The following EXOC4 variants were observed in gnomAD, a reference collection of about 807,000 sequenced individuals.
The protein encoded by EXOC4 is SEC8-like 1.
A neutral mutation model predicts 107.2 loss-of-function variants in EXOC4; 71 were observed. That is an observed-to-expected ratio of 0.66 (90% CI 0.55 to 0.81). EXOC4 has a LOEUF of 0.81. Among genes scored for constraint, EXOC4 ranks in the 30% least tolerant of loss-of-function variants. The pLI, the probability that EXOC4 is intolerant of heterozygous loss-of-function variation, is 0.00. For missense variants in EXOC4, 1,108 were observed against 1,189.6 expected (o/e 0.93, Z 1.01); for synonymous variants, 456 against 441.2 (o/e 1.03, Z -0.42).
intron 14 of EXOC4, among the ~76,000 whole-genome samples, chr7:133,953,173 C>T (rs1284305150): frequency 6.6e-6 from 1 of 152,156 alleles, no homozygotes; most frequent in African/African-American, 2.4e-5. Flanking sequence ...CTTGGCCAGG[C>T]ACGGTGGCTC....
chr7:134,096,202 CAG>C, the EXOC4 span, among the ~76,000 whole-genome samples: 1 of 152,160 alleles, frequency 6.6e-6, no homozygotes, highest in Admixed American at 6.5e-5. Flanking sequence ...CACTAATCAT[CAG>C]AGAGGTGCAA....
intron 9 of EXOC4, among the ~76,000 whole-genome samples, chr7:133,560,587 A>AT (rs1179895202): frequency 6.6e-6 from 1 of 151,912 alleles, no homozygotes; most frequent in Non-Finnish European, 1.5e-5. Flanking sequence ...CTGGGCCAAG[A>AT]TTTTTTTTCC....
chr7:133,728,551 G>T (rs1334552617), intron 10 of EXOC4, among the ~76,000 whole-genome samples: 7 of 152,110 alleles, frequency 4.6e-5, no homozygotes, highest in Non-Finnish European at 1.0e-4. Context: ...GGTTGTATTT[G>T]CTGGTAATTT....
At chr7:133,776,340 G>C (rs1796345735) in intron 10 of EXOC4, among the ~76,000 whole-genome samples, 1 of 152,162 alleles carries the variant, frequency 6.6e-6, no homozygotes, top group South Asian at 2.1e-4. Context: ...TGCCAACTGA[G>C]ATGACATGGT....
chr7:133,572,231 C>A (rs1801038946), intron 9 of EXOC4, among the ~76,000 whole-genome samples: 1 of 152,188 alleles, frequency 6.6e-6, no homozygotes, highest in Admixed American at 6.5e-5. Flanking sequence ...TGCACCACCC[C>A]AGTCTGTTTA....
At chr7:134,025,865 G>A (rs990186829) in intron 17 of EXOC4, among the ~76,000 whole-genome samples, 6 of 152,174 alleles carry the variant, frequency 3.9e-5, no homozygotes, top group Admixed American at 3.9e-4. Flanking sequence ...GCAAGTCACA[G>A]GGCTAGCCCA....
chr7:133,403,566 G>A (rs1224835700), intron 7 of EXOC4, among the ~76,000 whole-genome samples: 1 of 152,068 alleles, frequency 6.6e-6, no homozygotes, highest in African/African-American at 2.4e-5. Flanking sequence ...CTCAGTTTTG[G>A]GTGCTAAGGC....
chr7:133,504,700 T>C (rs1256061677), intron 9 of EXOC4, among the ~76,000 whole-genome samples: 1 of 152,142 alleles, frequency 6.6e-6, no homozygotes, highest in Non-Finnish European at 1.5e-5. Flanking sequence ...TCGACTAATG[T>C]ATGTTTATAT....
chr7:133,491,636 C>A (rs1396675917), intron 9 of EXOC4, among the ~76,000 whole-genome samples: 1 of 152,006 alleles, frequency 6.6e-6, no homozygotes, highest in African/African-American at 2.4e-5. Context: ...CAACTATATT[C>A]TGGGGCCTGT....
chr7:133,552,460 A>G (rs768671717), intron 9 of EXOC4, among the ~76,000 whole-genome samples: 1 of 152,200 alleles, frequency 6.6e-6, no homozygotes, highest in Non-Finnish European at 1.5e-5. Flanking sequence ...CAGGTGTTTT[A>G]TTAATATCCA....
At chr7:134,073,830 G>A in the EXOC4 span, among the ~76,000 whole-genome samples, 2 of 152,146 alleles carry the variant, frequency 1.3e-5, no homozygotes, top group Admixed American at 6.5e-5. Flanking sequence ...TGCTGCTGAA[G>A]CAGGTCAGGA....
chr7:133,551,099 G>A (rs746441380), intron 9 of EXOC4, among the ~76,000 whole-genome samples: 94 of 152,052 alleles, frequency 6.2e-4, no homozygotes, highest in Non-Finnish European at 9.6e-4. Flanking sequence ...GTACCCTGCC[G>A]TGTATTTCTT....
intron 1 of EXOC4, among the ~76,000 whole-genome samples, chr7:133,266,560 G>T (rs1438355133): frequency 2.0e-5 from 3 of 152,050 alleles, no homozygotes; most frequent in Admixed American, 6.6e-5. Flanking sequence ...TGCTTTTCTG[G>T]CTTATATTAA....
chr7:133,763,002 A>G (rs921854469), intron 10 of EXOC4, among the ~76,000 whole-genome samples: 1 of 152,182 alleles, frequency 6.6e-6, no homozygotes, highest in Non-Finnish European at 1.5e-5. Flanking sequence ...TAAAGTCAAT[A>G]TGCTCCCTGG....
chr7:134,095,232 CAT>C, the EXOC4 span, among the ~76,000 whole-genome samples: 1 of 151,680 alleles, frequency 6.6e-6, no homozygotes, highest in African/African-American at 2.4e-5. Flanking sequence ...AAAACACCAA[CAT>C]AAAAAATCCT....
intron 7 of EXOC4, among the ~76,000 whole-genome samples, chr7:133,458,883 T>TGA (rs1172078225): frequency 1.0e-5 from 1 of 100,472 alleles, no homozygotes; most frequent in East Asian, 3.2e-4. Flanking sequence ...CCCCGCCCTG[T>TGA]GAAGGGCAAT....
chr7:133,629,911 C>T (rs1429420683), intron 9 of EXOC4, 134 bp from the exon 10 acceptor site: 3 of 611,600 alleles, frequency 4.9e-6, no homozygotes, highest in South Asian at 4.3e-5. Context: ...AAAATAATTT[C>T]GTACATACCG....
chr7:133,263,819 G>C (rs1389406437), intron 1 of EXOC4, among the ~76,000 whole-genome samples: 1 of 151,938 alleles, frequency 6.6e-6, no homozygotes, highest in Non-Finnish European at 1.5e-5. Context: ...TAATAGATTA[G>C]TATATTACAG....
intron 10 of EXOC4, among the ~76,000 whole-genome samples, chr7:133,730,040 A>T (rs11761911): frequency 1.3e-5 from 2 of 150,564 alleles, no homozygotes; most frequent in Non-Finnish European, 3.0e-5. Flanking sequence ...TCTTGGATTT[A>T]GGTGAAGGAA....
Sources: gnomAD v4.1 joint callset for allele counts (sites outside exome capture counted in the v4.1 genomes callset) on GRCh38, gnomAD v4.1.1 for gene constraint, MANE v1.5 for transcripts, NCBI Gene and HGNC (gene_info 2026-07-23, HGNC 2026-07-21) for gene names.